The following CCDC34 variants were observed in gnomAD, a reference collection of about 807,000 sequenced individuals.
CCDC34 encodes the protein coiled-coil domain containing 34.
In CCDC34, 40 loss-of-function variants were observed where a neutral mutation model predicts 44.1. The ratio of observed to expected loss-of-function variants is 0.91; its 90% CI spans 0.70 to 1.18. CCDC34 has a LOEUF of 1.18. CCDC34 is among the 50% of genes most tolerant of loss of function. The probability of loss-of-function intolerance (pLI) is 0.00; values close to 1 mark genes in which losing one functional copy is unlikely to be tolerated. For missense variants in CCDC34, 466 were observed against 452.3 expected, an observed-to-expected ratio of 1.03 and a Z score of -0.28; for synonymous variants, 159 against 158.2, an observed-to-expected ratio of 1.01 and a Z score of -0.04.
At chr11:27,341,574 T>G (rs1590321961) in intron 3 of CCDC34, 24 bp from the exon 4 acceptor site, 1 of 1,048,456 alleles carries the variant, frequency 9.5e-7, no homozygotes, top group Non-Finnish European at 1.3e-6. Context: ...AGATAAAGTT[T>G]AATTGTAATA....
intron 5 of CCDC34, among the ~76,000 whole-genome samples, chr11:27,340,263 G>A (rs976555816): frequency 3.3e-5 from 5 of 152,088 alleles, no homozygotes. Context: ...AAGGCCAATC[G>A]GTTTTGTGTC....
chr11:27,349,571 G>A, intron 3 of CCDC34: 1 of 968,824 alleles, frequency 1.0e-6, no homozygotes, highest in Non-Finnish European at 1.2e-6. Context: ...AATAATAAAA[G>A]CAGTACCACT....
chr11:27,351,736 C>T (rs1424659278), intron 2 of CCDC34, among the ~76,000 whole-genome samples: 2 of 152,128 alleles, frequency 1.3e-5, no homozygotes, highest in Non-Finnish European at 2.9e-5. Flanking sequence ...CATAAAAGTT[C>T]AGAGAAGGGA....
intron 3 of CCDC34, chr11:27,348,899 T>G: frequency 1.0e-6 from 1 of 982,764 alleles, no homozygotes; most frequent in Non-Finnish European, 1.2e-6. Context: ...TATTTTTAAA[T>G]AATTCTCAAC....
chr11:27,348,119 C>CTTT (rs1862457763), intron 3 of CCDC34, among the ~76,000 whole-genome samples: 1 of 152,000 alleles, frequency 6.6e-6, no homozygotes, highest in Non-Finnish European at 1.5e-5. Flanking sequence ...GACGCTGCAC[C>CTTT]GAGAGAACCT....
Position 27,345,353 on chromosome 11 carries a change from T to C in CCDC34, c.607-3803A>G, listed in dbSNP as rs1862417230. On this transcript the variant is annotated intron_variant, in intron 3 of 5. Coordinates refer to ENST00000328697, the MANE Select transcript of CCDC34 (RefSeq NM_030771.2). ...ACAACGTGCAGGTTTGTTACATATG[T>C]ATACATGTGCCATGTTGGTGTGCTG... is the stretch of plus-strand genomic sequence containing the variant. Among the ~76,000 whole-genome samples, 12 of 152,306 alleles carry C rather than the reference T, an allele frequency of 7.9e-5. No individual in the cohort carries two copies. In the South Asian group the frequency reaches 2.5e-3, roughly 32 times the overall value.
chr11:27,344,326 AT>A (rs1385912665), intron 3 of CCDC34, among the ~76,000 whole-genome samples: 3 of 152,118 alleles, frequency 2.0e-5, no homozygotes. Context: ...AAAAACATAT[AT>A]ATGTTATAAA....
chr11:27,339,976 A>G (rs997674961), intron 5 of CCDC34, among the ~76,000 whole-genome samples: 1 of 151,946 alleles, frequency 6.6e-6, no homozygotes, highest in African/African-American at 2.4e-5. Context: ...GCTAAAACAG[A>G]TGACCTTCGT....
At position 27,363,167 on chromosome 11, in the gene CCDC34, T is replaced by A. The variant is rs777159291; in HGVS notation, c.28A>T (p.Thr10Ser). MWAAGRWGP[T>S]FPSSYAGFSA... ...AAACCGGCGTAGGAAGAGGGAAAAGTAGGCCCCCAGCGCCCCGCCGCCCAC... is the reference window on the plus strand; with the variant it reads ...AAACCGGCGTAGGAAGAGGGAAAAGAAGGCCCCCAGCGCCCCGCCGCCCAC... The change falls in exon 1 of 6, where the codon ACT (threonine) becomes TCT (serine). Residue 10 changes from threonine to serine, a missense_variant. Thr to Ser is a moderately conservative substitution (Grantham distance 58, BLOSUM62 1). Coordinates refer to ENST00000328697, the MANE Select transcript of CCDC34 (RefSeq NM_030771.2). 4.0e-6 allele frequency: 6 copies of A among 1,497,150 alleles called. No individual in the cohort carries two copies. Among genetic ancestry groups the A allele is most frequent in the Non-Finnish European group, 5.3e-6 (6 of 1,129,126 alleles). The allele number at this position is 1,497,150 out of a possible 1,614,324, so 92.7% of individuals were successfully genotyped here.
At chr11:27,352,102 G>A (rs1342053029) in intron 2 of CCDC34, among the ~76,000 whole-genome samples, 1 of 152,186 alleles carries the variant, frequency 6.6e-6, no homozygotes, top group Admixed American at 6.5e-5. Flanking sequence ...GGGCCTCTGG[G>A]CCAGGCGCAG....
At chr11:27,344,753 T>C (rs1862410312) in intron 3 of CCDC34, among the ~76,000 whole-genome samples, 1 of 152,064 alleles carries the variant, frequency 6.6e-6, no homozygotes, top group Non-Finnish European at 1.5e-5. Context: ...ATAGGAATTT[T>C]CTCCAAAATG....
intron 3 of CCDC34, among the ~76,000 whole-genome samples, chr11:27,348,623 C>A (rs576228839): frequency 1.3e-5 from 2 of 152,090 alleles, no homozygotes; most frequent in Non-Finnish European, 2.9e-5. Flanking sequence ...AAAATAGCAG[C>A]CACAGATACA....
chr11:27,357,297 C>T, intron 2 of CCDC34, 106 bp downstream of exon 2: 1 of 1,103,724 alleles, frequency 9.1e-7, no homozygotes, highest in Non-Finnish European at 1.3e-6. Context: ...AACATAAATG[C>T]AAAGACTTTG....
intron 4 of CCDC34, 64 bp downstream of exon 4, chr11:27,341,328 G>T (rs1460275797): frequency 5.3e-6 from 5 of 952,108 alleles, no homozygotes; most frequent in Admixed American, 2.8e-5. Context: ...CTTTTTCTAA[G>T]ATATAGTTGA....
At chr11:27,353,902 G>A (rs1301375778) in intron 2 of CCDC34, among the ~76,000 whole-genome samples, 1 of 152,178 alleles carries the variant, frequency 6.6e-6, no homozygotes, top group African/African-American at 2.4e-5. Flanking sequence ...TGCCATGGAC[G>A]AAGCCTTGGC....
At chr11:27,339,166 T>G (rs1054000977) in intron 5 of CCDC34, 131 bp from the exon 6 acceptor site, 4 of 649,088 alleles carry the variant, frequency 6.2e-6, no homozygotes, top group African/African-American at 1.9e-5. Flanking sequence ...ATGTGACTTA[T>G]TTGAAACTTA....
intron 4 of CCDC34, 80 bp downstream of exon 4, chr11:27,341,312 T>C (rs1413813618): frequency 2.4e-6 from 2 of 832,064 alleles, no homozygotes; most frequent in East Asian, 2.7e-5. Context: ...AATTTTCTAT[T>C]AGATACTTTT....
intron 2 of CCDC34, among the ~76,000 whole-genome samples, chr11:27,354,944 G>A (rs1377229835): frequency 6.6e-6 from 1 of 152,136 alleles, no homozygotes; most frequent in African/African-American, 2.4e-5. Context: ...TGAAGAAACT[G>A]AGGCTCAGAG....
chr11:27,343,477 G>C (rs1387614606), intron 3 of CCDC34, among the ~76,000 whole-genome samples: 1 of 152,024 alleles, frequency 6.6e-6, no homozygotes, highest in South Asian at 2.1e-4. Flanking sequence ...TTCTTGCTGG[G>C]CAGCCAATAG....
Sources: allele counts gnomAD v4.1 joint callset (sites outside exome capture counted in the v4.1 genomes callset), GRCh38; gene constraint gnomAD v4.1.1; transcripts MANE v1.5; gene names NCBI Gene and HGNC (gene_info 2026-07-23, HGNC 2026-07-21).